The following HS1BP3 variants were observed in gnomAD, a reference collection of about 807,000 sequenced individuals.
The protein encoded by HS1BP3 is HCLS1 binding protein 3, also known as HCLS1-binding protein 3.
In HS1BP3, 32 loss-of-function variants were observed where a neutral mutation model predicts 33.5. That is an observed-to-expected ratio of 0.95 (90% confidence interval 0.72 to 1.28). The LOEUF (loss-of-function observed/expected upper bound fraction) is 1.28. Ranked by LOEUF, HS1BP3 falls within the 50% of genes most tolerant of loss-of-function variation. The pLI is 0.00. For missense variants in HS1BP3, 486 were observed against 502.3 expected, an observed-to-expected ratio of 0.97 and a Z score of 0.31; for synonymous variants, 187 against 209.2, an observed-to-expected ratio of 0.89 and a Z score of 0.92.
chr2:20,563,060 A>G (rs1693039688), intron 5 of HS1BP3, among the ~76,000 whole-genome samples: 1 of 152,142 alleles, frequency 6.6e-6, no homozygotes, highest in African/African-American at 2.4e-5. Flanking sequence ...GGAGGCTCCG[A>G]CCTTCCTAAA....
rs1694524156 is a variant in HS1BP3, at chr2:20,619,374, G to A, written c.921-129C>T. The A allele has an allele frequency of 3.9e-6, 3 of 768,942 alleles. No individual in the cohort carries two copies. In the South Asian group the frequency reaches 5.5e-5, roughly 14 times the overall value. The allele number at this position is 768,942 out of a possible 1,614,324, so 47.6% of individuals were successfully genotyped here. Reference sequence around the variant, plus strand: ...GGAGCCCAGCCTCGGCCAGGTCAAGGCCCCGCCCTGCTCTGCCCCATTCCA... The same window carrying A: ...GGAGCCCAGCCTCGGCCAGGTCAAGACCCCGCCCTGCTCTGCCCCATTCCA... On this transcript the variant is annotated intron_variant, in intron 6 of 6. Transcript: ENST00000304031.
At chr2:20,608,407 T>C (rs1694245002) in intron 2 of HS1BP3, among the ~76,000 whole-genome samples, 1 of 151,876 alleles carries the variant, frequency 6.6e-6, no homozygotes, top group South Asian at 2.1e-4. Flanking sequence ...AAACCCCGTC[T>C]CTACTAAAAA....
At position 20,593,397 on chromosome 2, in the gene HS1BP3, T is replaced by C. The variant is rs181096277; in HGVS notation, c.*13-603A>G. On this transcript the variant is annotated intron_variant, in intron 3 of 3. Transcript: ENST00000415264. ...GTTTTGTCAGTTTTGTTCACTGCTG[T>C]GTCCCAGCGGCTAGAACAACGCTTG... Among the ~76,000 whole-genome samples the C allele has an allele frequency of 2.6e-5, 4 of 152,316 alleles. No homozygotes were observed. In the South Asian group the frequency reaches 6.2e-4, roughly 24 times the overall value.
intron 6 of HS1BP3, among the ~76,000 whole-genome samples, chr2:20,621,985 C>T (rs1225179518): frequency 6.6e-6 from 1 of 152,170 alleles, no homozygotes; most frequent in Non-Finnish European, 1.5e-5. Context: ...AGACCCTGGC[C>T]CCATTCCTTC....
chr2:20,622,009 G>A (rs186763776), intron 6 of HS1BP3, among the ~76,000 whole-genome samples: 1 of 152,324 alleles, frequency 6.6e-6, no homozygotes, highest in Non-Finnish European at 1.5e-5. Flanking sequence ...CTGGGTTCCT[G>A]CGGAAGACAA....
At chr2:20,628,884 G>A (rs1191817576) in intron 4 of HS1BP3, among the ~76,000 whole-genome samples, 1 of 152,126 alleles carries the variant, frequency 6.6e-6, no homozygotes, top group Non-Finnish European at 1.5e-5. Flanking sequence ...ATTCCTCTTG[G>A]TGAAAGGGGA....
chr2:20,631,826 A>G lies in HS1BP3; in HGVS notation c.623+6610T>C, dbSNP rs75356260. On this transcript the variant is annotated intron_variant, in intron 4 of 6. Coordinates refer to ENST00000304031, the MANE Select transcript of HS1BP3 (RefSeq NM_022460.4). ...TCCCAGCTGCAGGTCTCTGCAGCCTACATTCTACAGCAAGCGCCCAGTACC... is the reference window on the plus strand; with the variant it reads ...TCCCAGCTGCAGGTCTCTGCAGCCTGCATTCTACAGCAAGCGCCCAGTACC... 1.1e-3 allele frequency among the ~76,000 whole-genome samples: 170 copies of G among 152,258 alleles called. 4 individuals carry two copies. In the East Asian group the frequency reaches 0.031, roughly 27 times the overall value.
At chr2:20,578,334 C>A (rs933417530) in intron 5 of HS1BP3, among the ~76,000 whole-genome samples, 2 of 152,182 alleles carry the variant, frequency 1.3e-5, no homozygotes, top group Non-Finnish European at 2.9e-5. Flanking sequence ...CAGGGCAGAG[C>A]CCCACACCTA....
chr2:20,588,941 G>A (rs6722960), downstream of HS1BP3, among the ~76,000 whole-genome samples: 98,517 of 152,094 alleles, frequency 0.65, 35,688 homozygotes, highest in East Asian at 0.82. Context: ...AGCCCAGGGC[G>A]TTCGTGCTTG....
intron 5 of HS1BP3, among the ~76,000 whole-genome samples, chr2:20,566,394 G>A (rs567385723): frequency 6.6e-6 from 1 of 152,280 alleles, no homozygotes; most frequent in Non-Finnish European, 1.5e-5. Flanking sequence ...CAGCATTTCT[G>A]CCCCAGTGGC....
At chr2:20,576,019 C>T (rs1490431110) in intron 5 of HS1BP3, among the ~76,000 whole-genome samples, 3 of 152,150 alleles carry the variant, frequency 2.0e-5, no homozygotes, top group Admixed American at 2.0e-4. Context: ...GAGACAGGGT[C>T]TTGTTCTCTC....
chr2:20,640,743 G>A (rs1390460210), intron 3 of HS1BP3: 1 of 616,424 alleles, frequency 1.6e-6, no homozygotes, highest in Admixed American at 2.9e-5. Context: ...TATGGAGAAT[G>A]CCTGCTGTGT....
chr2:20,584,052 T>A (rs1298526396), intron 5 of HS1BP3, among the ~76,000 whole-genome samples: 1 of 152,224 alleles, frequency 6.6e-6, no homozygotes, highest in East Asian at 1.9e-4. Context: ...AACCATTAGA[T>A]GTGGGATTTC....
chr2:20,577,027 G>T (rs564789026), intron 5 of HS1BP3, among the ~76,000 whole-genome samples: 1 of 152,318 alleles, frequency 6.6e-6, no homozygotes, highest in East Asian at 1.9e-4. Context: ...CCTGGGAAGA[G>T]TATTTACAAG....
At chr2:20,622,084 A>G in intron 6 of HS1BP3, 1 of 771,052 alleles carries the variant, frequency 1.3e-6, no homozygotes, top group East Asian at 6.4e-5. Context: ...GAAGGAACAA[A>G]GCCTTCTTAG....
At chr2:20,566,033 C>T (rs1693118150) in intron 5 of HS1BP3, among the ~76,000 whole-genome samples, 1 of 152,240 alleles carries the variant, frequency 6.6e-6, no homozygotes, top group Non-Finnish European at 1.5e-5. Flanking sequence ...GCTTAACAAA[C>T]TCCACCAAGG....
At chr2:20,577,151 G>A (rs896252702) in intron 5 of HS1BP3, among the ~76,000 whole-genome samples, 34 of 152,202 alleles carry the variant, frequency 2.2e-4, no homozygotes, top group African/African-American at 7.7e-4. Context: ...GGCAAGTGAA[G>A]GACTTGGGGT....
chr2:20,638,403 C>A, intron 4 of HS1BP3, 33 bp downstream of exon 4: 1 of 1,595,576 alleles, frequency 6.3e-7, no homozygotes, highest in Admixed American at 1.7e-5. Context: ...CTGGAATACA[C>A]CAAAGGGGCC....
At chr2:20,650,980 G>C in intron 1 of HS1BP3, 52 bp downstream of exon 1, 1 of 1,227,214 alleles carries the variant, frequency 8.1e-7, no homozygotes, top group Admixed American at 4.2e-5. Context: ...CTCTCCGCCC[G>C]GGCGCCCCGG....
Sources: allele counts gnomAD v4.1 joint callset (sites outside exome capture counted in the v4.1 genomes callset), GRCh38; gene constraint gnomAD v4.1.1; transcripts MANE v1.5; gene names NCBI Gene and HGNC (gene_info 2026-07-23, HGNC 2026-07-21).